CYP2J2: variants seen among roughly 807,000 people sequenced by gnomAD.
The protein encoded by CYP2J2 is cytochrome P450 family 2 subfamily J member 2, also known as cytochrome P450 2J2.
A neutral mutation model predicts 48.8 loss-of-function variants in CYP2J2; 41 were observed. The observed-to-expected ratio is 0.84, with a 90% CI of 0.66 to 1.09. CYP2J2 has a LOEUF of 1.09. Among genes scored for constraint, CYP2J2 ranks in the 50% least tolerant of loss-of-function variants. The pLI is 0.00. For synonymous variants in CYP2J2, 221 were observed against 227.1 expected (o/e 0.97, Z 0.24); for missense variants, 644 against 617.3 (o/e 1.04, Z -0.46).
In CYP2J2 at chr1:59,893,778, A is replaced by G; in HGVS notation, c.1382T>C (p.Phe461Ser). The G allele has an allele frequency of 6.2e-7, 1 of 1,613,448 alleles. No homozygotes were observed. The highest frequency in any genetic ancestry group is 1.1e-5 in the South Asian group (1 of 90,772). ...EQLARTELFI[F>S]FTSLMQKFTF... ...AAATTTTTGCATAAGGGAAGTGAAG[A>G]AAATAAACAGCTCAGTCCTGGCCAA... The change falls in exon 9 of 9, where the codon TTC (phenylalanine) becomes TCC (serine). Residue 461 changes from phenylalanine to serine, a missense_variant. By Grantham distance (155) the Phe-to-Ser change is radical (BLOSUM62 -2). Transcript: ENST00000371204.
chr1:59,962,438 A>G, the CYP2J2 span, among the ~76,000 whole-genome samples: 2 of 152,144 alleles, frequency 1.3e-5, no homozygotes, highest in African/African-American at 2.4e-5. Flanking sequence ...TCCAGGGGGA[A>G]AAAAATTCTT....
intron 8 of CYP2J2, among the ~76,000 whole-genome samples, chr1:59,896,187 G>A (rs1246262592): frequency 6.6e-6 from 1 of 152,080 alleles, no homozygotes; most frequent in Non-Finnish European, 1.5e-5. Context: ...CATTAGGCAT[G>A]CTCATTGCTC....
chr1:59,959,276 C>A, the CYP2J2 span, among the ~76,000 whole-genome samples: 1 of 152,108 alleles, frequency 6.6e-6, no homozygotes, highest in Non-Finnish European at 1.5e-5. Flanking sequence ...TAAAATTCTT[C>A]AAAGAAATCC....
rs115171720 is a variant in CYP2J2, at chr1:59,904,532, A to C, written c.1191+339T>G. On this transcript the variant is annotated intron_variant, in intron 7 of 8. Coordinates refer to ENST00000371204, the MANE Select transcript of CYP2J2 (RefSeq NM_000775.4). Reference sequence around the variant, plus strand: ...GTGAGATGTTCTACCAAAACAAAGAAAAGTGTTCTGTGATAAAGTCTGACC... The same window carrying C: ...GTGAGATGTTCTACCAAAACAAAGACAAGTGTTCTGTGATAAAGTCTGACC... 5.4e-3 allele frequency: 1,020 copies of C among 188,132 alleles called. 15 individuals carry two copies. The highest frequency in any genetic ancestry group is 0.022 in the African/African-American group (949 of 42,488). 11.7% of individuals were successfully genotyped at this position (188,132 alleles called of 1,614,324 possible).
chr1:59,906,497 A>G (rs1644365747), intron 6 of CYP2J2, among the ~76,000 whole-genome samples: 1 of 152,190 alleles, frequency 6.6e-6, no homozygotes, highest in Non-Finnish European at 1.5e-5. Context: ...ATTTTTGTAA[A>G]ACATCTTATT....
chr1:59,925,388 C>G (rs761545756), intron 1 of CYP2J2, among the ~76,000 whole-genome samples: 2 of 152,096 alleles, frequency 1.3e-5, no homozygotes, highest in East Asian at 1.9e-4. Flanking sequence ...TTTTTTCCAG[C>G]CTCCATGGCA....
chr1:59,964,178 A>G, the CYP2J2 span, among the ~76,000 whole-genome samples: 1 of 152,174 alleles, frequency 6.6e-6, no homozygotes, highest in Admixed American at 6.5e-5. Context: ...ATGAGAAGAT[A>G]TTGGGTAGGT....
Position 59,916,109 on chromosome 1 carries a change from T to C in CYP2J2, c.211-9A>G, listed in dbSNP as rs202063702. The C allele has an allele frequency of 1.9e-5, 30 of 1,605,668 alleles. No individual in the cohort carries two copies. The African/African-American group carries it at 3.5e-4, about 19-fold the overall frequency. The stretch of plus-strand genomic sequence containing the variant: ...CCATATTTCTTCACAAACTGAAAAA[T>C]AGTTAAATCGTAACAGTTGAATATG... On this transcript the variant is annotated splice_polypyrimidine_tract_variant and intron_variant, in intron 1 of 8. Coordinates refer to ENST00000371204, the MANE Select transcript of CYP2J2 (RefSeq NM_000775.4).
the CYP2J2 span, among the ~76,000 whole-genome samples, chr1:59,955,444 A>G: frequency 7.2e-5 from 11 of 151,992 alleles, no homozygotes; most frequent in African/African-American, 1.9e-4. Flanking sequence ...AGACTGGTTC[A>G]GGCAAGAATC....
At chr1:59,909,273 T>C (rs1644390441) in intron 5 of CYP2J2, among the ~76,000 whole-genome samples, 4 of 152,182 alleles carry the variant, frequency 2.6e-5, no homozygotes, top group Admixed American at 2.0e-4. Context: ...CATCCTAATG[T>C]CTGGAACCTA....
intron 8 of CYP2J2, among the ~76,000 whole-genome samples, chr1:59,894,132 T>C (rs371411182): frequency 1.3e-5 from 2 of 152,136 alleles, no homozygotes; most frequent in South Asian, 2.1e-4. Flanking sequence ...AGAAAGGGGA[T>C]GTTTAGCCTA....
chr1:59,948,715 C>T, the CYP2J2 span, among the ~76,000 whole-genome samples: 2 of 152,054 alleles, frequency 1.3e-5, no homozygotes, highest in Non-Finnish European at 2.9e-5. Context: ...TCAGTTAAAC[C>T]CTGTGTTGTT....
Position 59,893,806 on chromosome 1 carries a change from G to T in CYP2J2, c.1354C>A (p.Gln452Lys), listed in dbSNP as rs1335144106. Residue 452 changes from glutamine to lysine, a missense_variant, in exon 9 of 9, where the codon CAG (glutamine) becomes AAG (lysine). Coordinates refer to ENST00000371204, the MANE Select transcript of CYP2J2 (RefSeq NM_000775.4). ...ATAAACAGCTCAGTCCTGGCCAACT[G>T]TTCTCCGAGGCATGCCCGCTTTCCT... ...SIGKRACLGE[Q>K]LARTELFIFF... is the part of the protein sequence containing the mutation. 1 of 1,607,920 alleles carries T rather than the reference G, an allele frequency of 6.2e-7. No individual in the cohort carries two copies. Among genetic ancestry groups the T allele is most frequent in the African/African-American group, 1.3e-5 (1 of 74,608 alleles).
chr1:59,938,635 C>T, the CYP2J2 span, among the ~76,000 whole-genome samples: 1 of 152,232 alleles, frequency 6.6e-6, no homozygotes, highest in Admixed American at 6.5e-5. Context: ...TATACCGAGA[C>T]ATTCCGTTCC....
At chr1:59,949,701 CTTTT>C in the CYP2J2 span, among the ~76,000 whole-genome samples, 15 of 139,884 alleles carry the variant, frequency 1.1e-4, no homozygotes, top group Admixed American at 2.1e-4. Flanking sequence ...TGACTGGAAG[CTTTT>C]TTTTTTTTTT....
intron 1 of CYP2J2, among the ~76,000 whole-genome samples, chr1:59,923,816 G>C (rs1644538521): frequency 6.6e-6 from 1 of 152,112 alleles, no homozygotes. Context: ...GGCACAACAA[G>C]AGACCTAACA....
intron 2 of CYP2J2, chr1:59,912,672 G>A: frequency 5.4e-6 from 1 of 183,892 alleles, no homozygotes; most frequent in South Asian, 1.3e-4. Flanking sequence ...CAACTAAACA[G>A]GTATTCAATT....
At chr1:59,924,252 A>G (rs1050036215) in intron 1 of CYP2J2, among the ~76,000 whole-genome samples, 2 of 152,206 alleles carry the variant, frequency 1.3e-5, no homozygotes, top group African/African-American at 4.8e-5. Flanking sequence ...TCTTAGATGA[A>G]GGAAAGCTAA....
the CYP2J2 span, among the ~76,000 whole-genome samples, chr1:59,962,188 T>C: frequency 6.6e-6 from 1 of 152,218 alleles, no homozygotes; most frequent in Non-Finnish European, 1.5e-5. Flanking sequence ...TAGAAATTCA[T>C]GTTTCCCAAA....
Sources: gnomAD v4.1 joint callset for allele counts (sites outside exome capture counted in the v4.1 genomes callset) on GRCh38, gnomAD v4.1.1 for gene constraint, MANE v1.5 for transcripts, NCBI Gene and HGNC (gene_info 2026-07-23, HGNC 2026-07-21) for gene names.